Variants in SALL4 observed in about 807,000 individuals in gnomAD.
SALL4 encodes the protein sal-like protein 4.
A neutral mutation model predicts 60.8 loss-of-function variants in SALL4; 4 were observed. That is an observed-to-expected ratio of 0.07 (90% CI 0.03 to 0.15). SALL4 has a LOEUF of 0.15. SALL4 is among the 10% of genes least tolerant of loss of function. The pLI, the probability that SALL4 is intolerant of heterozygous loss-of-function variation, is 1.00. For synonymous variants in SALL4, 580 were observed against 574.9 expected (o/e 1.01, Z -0.13); for missense variants, 1,178 against 1,394.7 (o/e 0.84, Z 2.48).
In SALL4 at chr20:51,790,461, A is replaced by G. The variant is rs1333334562; in HGVS notation, c.2022T>C (p.Gly674=). ...AGATAGCGCCGGTGCTGCCGTTCTC[A>G]CCCACGGTCATTGGCTCAGAACCCG... ...DFTGSEPMTV[G]ENGSTGAICH... Residue 674 remains glycine, a synonymous_variant, in exon 2 of 4, where the codon GGT becomes GGC. Coordinates refer to ENST00000217086, the MANE Select transcript of SALL4 (RefSeq NM_020436.5). The surrounding 1 kb of genome is among the most constrained non-coding windows in gnomAD (Gnocchi z 5.5). 6.2e-7 allele frequency: 1 copy of G among 1,613,908 alleles called. No homozygotes were observed. Among genetic ancestry groups the G allele is most frequent in the Non-Finnish European group, 8.5e-7 (1 of 1,180,034 alleles).
At chr20:51,789,996 A>G (rs1218593187) in intron 2 of SALL4, 26 bp downstream of exon 2, 4 of 1,613,996 alleles carry the variant, frequency 2.5e-6, no homozygotes, top group South Asian at 1.1e-5. Context: ...CAAAATGGAC[A>G]TAAGTTAAAT....
chr20:51,786,790 A>T (rs376621807), intron 3 of SALL4, among the ~76,000 whole-genome samples: 8 of 152,324 alleles, frequency 5.3e-5, no homozygotes, highest in African/African-American at 1.9e-4. Context: ...TTAAGTAAAA[A>T]TTTCAGTTAA....
In SALL4 at chr20:51,788,570, A is replaced by G. The variant is rs972361266; in HGVS notation, c.2742+291T>C. On this transcript the variant is annotated intron_variant, in intron 3 of 3. Coordinates refer to ENST00000217086, the MANE Select transcript of SALL4 (RefSeq NM_020436.5). The surrounding 1 kb of genome is among the most constrained non-coding windows in gnomAD (Gnocchi z 4.1). ...GCCGGCCATGGTGGCGGACGCCTGTAGTCCCAGCTACTCAGGAGGCTGAGG... is the reference window on the plus strand; with the variant it reads ...GCCGGCCATGGTGGCGGACGCCTGTGGTCCCAGCTACTCAGGAGGCTGAGG... Among the ~76,000 whole-genome samples, 3 of 152,160 alleles carry G rather than the reference A, an allele frequency of 2.0e-5. No individual in the cohort carries two copies. Among genetic ancestry groups the G allele is most frequent in the Non-Finnish European group, 2.9e-5 (2 of 68,024 alleles).
chr20:51,802,420 C>A lies in SALL4; in HGVS notation c.-12G>T, dbSNP rs1167305662. 1 of 1,612,542 alleles carries A rather than the reference C, an allele frequency of 6.2e-7. No individual in the cohort carries two copies. Among genetic ancestry groups the A allele is most frequent in the Non-Finnish European group, 8.5e-7 (1 of 1,179,870 alleles). ...TTGCGCCTCGACATGGTGCGAGCAT[C>A]GGGGCGCCGGGAGAGCCGCAGTTAT... On this transcript the variant is annotated 5_prime_UTR_variant, in exon 1 of 4. Coordinates refer to ENST00000217086, the MANE Select transcript of SALL4 (RefSeq NM_020436.5).
At chr20:51,787,674 T>A (rs1209719992) in intron 3 of SALL4, among the ~76,000 whole-genome samples, 2 of 152,064 alleles carry the variant, frequency 1.3e-5, no homozygotes, top group Admixed American at 1.3e-4. Flanking sequence ...TTTATTTATA[T>A]GAATTTAATT....
At chr20:51,798,165 T>G (rs1172858785) in intron 1 of SALL4, among the ~76,000 whole-genome samples, 1 of 152,232 alleles carries the variant, frequency 6.6e-6, no homozygotes, top group Non-Finnish European at 1.5e-5. Context: ...AGAAGGCAGA[T>G]AAGACTTTAA....
In SALL4 at chr20:51,790,981, C is replaced by A; in HGVS notation, c.1502G>T (p.Gly501Val). 6.2e-7 allele frequency: 1 copy of A among 1,614,182 alleles called. No individual in the cohort carries two copies. The highest frequency in any genetic ancestry group is 8.5e-7 in the Non-Finnish European group (1 of 1,180,034). ...AGGCTGCAGGTCACCGGGCAAGGAG[C>A]CACCCGTGAGGTCCTTGGGATTAGT... is the stretch of plus-strand genomic sequence containing the variant. ...SGTNPKDLTG[G>V]SLPGDLQPGP... is the part of the protein sequence containing the mutation. The change falls in exon 2 of 4, where the codon GGC becomes GTC. Residue 501 changes from glycine (G) to valine (V), a missense_variant. Physicochemically the swap from Gly to Val is moderately radical, Grantham distance 109. Coordinates refer to ENST00000217086, the MANE Select transcript of SALL4 (RefSeq NM_020436.5). The surrounding 1 kb of genome is among the most constrained non-coding windows in gnomAD (Gnocchi z 5.5).
At chr20:51,800,851 A>G (rs918801137) in intron 1 of SALL4, among the ~76,000 whole-genome samples, 1 of 151,950 alleles carries the variant, frequency 6.6e-6, no homozygotes, top group East Asian at 1.9e-4. Context: ...CGTCAAGCCG[A>G]TCCTTTTAAT....
chr20:51,788,772 G>A lies in SALL4; in HGVS notation c.2742+89C>T. ...ACCTCGGCCTCCCAAAGGAGGAATG[G>A]AAGGATGGAAGAACTCATCACGGCT... On this transcript the variant is annotated intron_variant, in intron 3 of 3. Coordinates refer to ENST00000217086, the MANE Select transcript of SALL4 (RefSeq NM_020436.5). The surrounding 1 kb of genome is among the most constrained non-coding windows in gnomAD (Gnocchi z 4.1). 1 of 1,519,356 alleles carries A rather than the reference G, an allele frequency of 6.6e-7. No homozygotes were observed. Among genetic ancestry groups the A allele is most frequent in the South Asian group, 1.1e-5 (1 of 88,972 alleles). 94.1% of individuals were successfully genotyped at this position (1,519,356 alleles called of 1,614,324 possible). A position where few individuals can be genotyped will look rare whatever the true frequency, so the allele number is the denominator to read the frequency against.
rs1389388734 is a variant in SALL4, at chr20:51,784,697, G to A, written c.2743-13C>T. 6.2e-7 allele frequency: 1 copy of A among 1,614,028 alleles called. No individual in the cohort carries two copies. The highest frequency in any genetic ancestry group is 1.3e-5 in the African/African-American group (1 of 74,922). ...TCATGTAGTGAACCTATGGGAACAGGACAGAAAGGTTTTTACCAAAATAGA... is the reference window on the plus strand; with the variant it reads ...TCATGTAGTGAACCTATGGGAACAGAACAGAAAGGTTTTTACCAAAATAGA... On this transcript the variant is annotated splice_polypyrimidine_tract_variant and intron_variant, in intron 3 of 3. Coordinates refer to ENST00000217086, the MANE Select transcript of SALL4 (RefSeq NM_020436.5).
At position 51,792,162 on chromosome 20, in the gene SALL4, C is replaced by T. The variant is rs536964159; in HGVS notation, c.321G>A (p.Glu107=). The T allele has an allele frequency of 2.6e-5, 42 of 1,614,196 alleles. 2 individuals carry two copies. In the South Asian group the frequency reaches 4.5e-4, roughly 17 times the overall value. The change falls in exon 2 of 4, where the codon GAG becomes GAA. Residue 107 remains glutamate, a synonymous_variant. Transcript: ENST00000217086. ...NPPVLIMNDS[E]GPVPSEDFSG... ...AGAAGTCTTCTGAAGGCACAGGCCC[C>T]TCGCTGTCATTCATGATGAGGACAG... is the stretch of plus-strand genomic sequence containing the variant.
At chr20:51,797,348 A>C (rs996264796) in intron 1 of SALL4, 7 of 152,176 alleles carry the variant, frequency 4.6e-5, no homozygotes, top group African/African-American at 1.7e-4. Context: ...TTGAGAAGGG[A>C]TCTATGGCAC....
At chr20:51,800,384 C>A (rs1454717768) in intron 1 of SALL4, among the ~76,000 whole-genome samples, 2 of 152,242 alleles carry the variant, frequency 1.3e-5, no homozygotes, top group East Asian at 3.9e-4. Flanking sequence ...CCCTGGTGAT[C>A]AATAGCCAAC....
At position 51,790,122 on chromosome 20, in the gene SALL4, T is replaced by G; in HGVS notation, c.2361A>C (p.Ala787=). ...CGGCTTGACTATTGGCCGGGGAGAGTGCCTGGAAGGATGTGGTTTCCAGGA... is the reference window on the plus strand; with the variant it reads ...CGGCTTGACTATTGGCCGGGGAGAGGGCCTGGAAGGATGTGGTTTCCAGGA... ...PDILETTSFQ[A]LSPANSQAES... Residue 787 remains alanine, a synonymous_variant, in exon 2 of 4, where the codon GCA becomes GCC. Transcript: ENST00000217086. The surrounding 1 kb of genome is among the most constrained non-coding windows in gnomAD (Gnocchi z 5.5). 1 of 1,613,808 alleles carries G rather than the reference T, an allele frequency of 6.2e-7. No individual in the cohort carries two copies.
chr20:51,793,621 G>A (rs2122969430), intron 1 of SALL4, among the ~76,000 whole-genome samples: 1 of 152,238 alleles, frequency 6.6e-6, no homozygotes, highest in Non-Finnish European at 1.5e-5. Context: ...TAGAGATGGG[G>A]TTTCACCATG....
rs889320190 is a variant in SALL4, at chr20:51,786,452, G to A, written c.2743-1768C>T. On this transcript the variant is annotated intron_variant, in intron 3 of 3. Transcript: ENST00000217086. ...TCCTTATGTTGCTCAAGCTGGTCTCGAACTCCTGGCCTCAAGCAATCCTCC... is the reference window on the plus strand; with the variant it reads ...TCCTTATGTTGCTCAAGCTGGTCTCAAACTCCTGGCCTCAAGCAATCCTCC... 5.9e-5 allele frequency among the ~76,000 whole-genome samples: 9 copies of A among 151,422 alleles called. No individual in the cohort carries two copies. In the East Asian group the frequency reaches 1.4e-3, roughly 23 times the overall value.
chr20:51,784,621 C>G lies in SALL4; in HGVS notation c.2806G>C (p.Glu936Gln). The change falls in exon 4 of 4, where the codon GAG becomes CAG. Residue 936 changes from glutamate (E) to glutamine (Q), a missense_variant. By Grantham distance (29) the Glu-to-Gln change is conservative. Transcript: ENST00000217086. ...SARRGRKLAIENTMALLGTDG... is the reference protein window; with the variant it reads ...SARRGRKLAIQNTMALLGTDG... ...GTACCTAACAGAGCCATGGTGTTCT[C>G]GATGGCCAACTTCCTTCCACGGCGG... is the stretch of plus-strand genomic sequence containing the variant. 1 of 1,614,188 alleles carries G rather than the reference C, an allele frequency of 6.2e-7. No homozygotes were observed.
At chr20:51,789,735 G>A (rs1038979222) in intron 2 of SALL4, among the ~76,000 whole-genome samples, 3 of 152,044 alleles carry the variant, frequency 2.0e-5, no homozygotes, top group Non-Finnish European at 4.4e-5. Flanking sequence ...AAAATAGAAC[G>A]ACTACCCACC....
chr20:51,784,223 A>G lies in SALL4; in HGVS notation c.*42T>C. 1.2e-6 allele frequency: 2 copies of G among 1,607,726 alleles called. No individual in the cohort carries two copies. Among genetic ancestry groups the G allele is most frequent in the Non-Finnish European group, 8.5e-7 (1 of 1,175,896 alleles). ...TTACAAAACAAAGCAGATTCTAGAG[A>G]TTTCACTGTGTCTGCATTGCTCCTT... On this transcript the variant is annotated 3_prime_UTR_variant, in exon 4 of 4. Transcript: ENST00000217086.
Sources: gnomAD v4.1 joint callset for allele counts (sites outside exome capture counted in the v4.1 genomes callset) on GRCh38, gnomAD v4.1.1 for gene constraint, Gnocchi (gnomAD v3.1) non-coding constraint, MANE v1.5 for transcripts, NCBI Gene and HGNC (gene_info 2026-07-23, HGNC 2026-07-21) for gene names.